The following MYO1E variants were observed in gnomAD, a reference collection of about 807,000 sequenced individuals.
MYO1E encodes the protein myosin IE.
Under a neutral mutation model 151.1 loss-of-function variants are expected in MYO1E, and 68 were observed. The observed-to-expected ratio is 0.45, with a 90% CI of 0.37 to 0.55. The LOEUF (loss-of-function observed/expected upper bound fraction) is 0.55, where lower values mean the gene tolerates loss of function less well. MYO1E is among the 20% of genes least tolerant of loss of function. The pLI is 0.00. For missense variants in MYO1E, 1,363 were observed against 1,389.3 expected, an observed-to-expected ratio of 0.98 and a Z score of 0.30; for synonymous variants, 601 against 501.7, an observed-to-expected ratio of 1.20 and a Z score of -2.64.
chr15:59,227,270 T>C (rs539674526), intron 7 of MYO1E, among the ~76,000 whole-genome samples, 189 bp downstream of exon 7: 50 of 152,356 alleles, frequency 3.3e-4, no homozygotes, highest in African/African-American at 1.1e-3. Context: ...ATTTCTGTCT[T>C]ATCACTCCAA....
intron 1 of MYO1E, among the ~76,000 whole-genome samples, chr15:59,336,397 A>C (rs1015510824): frequency 6.6e-6 from 1 of 152,108 alleles, no homozygotes; most frequent in African/African-American, 2.4e-5. Flanking sequence ...AAAACCCTAG[A>C]TTCAAAGGGA....
intron 26 of MYO1E, among the ~76,000 whole-genome samples, chr15:59,147,601 A>AAAAAAAC (rs2079449069): frequency 6.6e-6 from 1 of 150,820 alleles, no homozygotes; most frequent in African/African-American, 2.4e-5. Context: ...TGTCTCAAAA[A>AAAAAAAC]AAAAAAAAAA....
intron 26 of MYO1E, 137 bp from the exon 27 acceptor site, chr15:59,138,504 G>C (rs1472921863): frequency 1.1e-6 from 1 of 916,796 alleles, no homozygotes; most frequent in Non-Finnish European, 1.7e-6. Context: ...ATGTGGCCCA[G>C]GGTGCAGTCT....
At chr15:59,284,845 T>C (rs1378455944) in intron 1 of MYO1E, among the ~76,000 whole-genome samples, 1 of 152,124 alleles carries the variant, frequency 6.6e-6, no homozygotes, top group East Asian at 1.9e-4. Context: ...GGTAAGGACA[T>C]TTCAAGCTAC....
chr15:59,273,264 C>T lies in MYO1E; in HGVS notation c.4-815G>A, dbSNP rs75464783. ...TCTGAACACTCTGTGGGCTGCAGGG[C>T]TTCCTTTCATTTGGCATTTCTGTAG... On this transcript the variant is annotated intron_variant, in intron 1 of 27. Transcript: ENST00000288235. Among the ~76,000 whole-genome samples, 23 of 152,314 alleles carry T rather than the reference C, an allele frequency of 1.5e-4. 1 individual carries two copies. The East Asian group carries it at 3.5e-3, about 23-fold the overall frequency.
chr15:59,207,353 C>T, intron 14 of MYO1E: 1 of 1,614,036 alleles, frequency 6.2e-7, no homozygotes, highest in Non-Finnish European at 8.5e-7. Flanking sequence ...ACAGCAAACT[C>T]CAACCTAGTG....
intron 1 of MYO1E, among the ~76,000 whole-genome samples, chr15:59,359,280 CATAT>C (rs34337748): frequency 1.0e-4 from 14 of 140,212 alleles, no homozygotes; most frequent in East Asian, 8.1e-4. Flanking sequence ...ATTTTACATA[CATAT>C]ATATATATAT....
chr15:59,170,880 C>G (rs1401639130), intron 22 of MYO1E, among the ~76,000 whole-genome samples: 1 of 152,142 alleles, frequency 6.6e-6, no homozygotes, highest in African/African-American at 2.4e-5. Flanking sequence ...CATAAAACCC[C>G]TGCTTTTTCC....
chr15:59,208,337 G>A, intron 14 of MYO1E: 1 of 555,996 alleles, frequency 1.8e-6, no homozygotes, highest in Non-Finnish European at 3.2e-6. Flanking sequence ...TATGTAGTTG[G>A]CATTTGGTTC....
chr15:59,372,251 C>G (rs2080950704), intron 1 of MYO1E, among the ~76,000 whole-genome samples: 1 of 152,274 alleles, frequency 6.6e-6, no homozygotes, highest in Non-Finnish European at 1.5e-5. Flanking sequence ...CCATAGCAAC[C>G]CGGCCACAGA....
chr15:59,244,356 T>C (rs1442638882), intron 4 of MYO1E, among the ~76,000 whole-genome samples: 4 of 152,250 alleles, frequency 2.6e-5, no homozygotes, highest in Non-Finnish European at 4.4e-5. Flanking sequence ...TTCCTTTGAA[T>C]GTTACTAGCA....
intron 1 of MYO1E, among the ~76,000 whole-genome samples, chr15:59,339,289 G>A (rs560604918): frequency 1.3e-5 from 2 of 152,292 alleles, no homozygotes; most frequent in South Asian, 4.1e-4. Flanking sequence ...CACAGTGCTT[G>A]GATACAGATT....
At chr15:59,292,397 T>C (rs563092285) in intron 1 of MYO1E, among the ~76,000 whole-genome samples, 1 of 152,340 alleles carries the variant, frequency 6.6e-6, no homozygotes, top group African/African-American at 2.4e-5. Flanking sequence ...TCAACTCCCA[T>C]GAAATGTACT....
At chr15:59,166,643 T>C (rs567185964) in intron 22 of MYO1E, among the ~76,000 whole-genome samples, 23 of 152,152 alleles carry the variant, frequency 1.5e-4, no homozygotes, top group African/African-American at 4.1e-4. Flanking sequence ...TTATGAAATA[T>C]ATGCTGCTTT....
intron 4 of MYO1E, among the ~76,000 whole-genome samples, chr15:59,253,114 C>A (rs1262211071): frequency 2.0e-5 from 3 of 152,056 alleles, no homozygotes; most frequent in African/African-American, 4.8e-5. Context: ...TAAACAGGTA[C>A]AATATTAAAA....
intron 8 of MYO1E, 124 bp from the exon 9 acceptor site, chr15:59,223,315 G>GAAAAAAAAAAAAAAAA (rs10711975): frequency 1.4e-6 from 1 of 724,574 alleles, no homozygotes. Context: ...GAGTTACAAA[G>GAAAAAAAAAAAAAAAA]AAAAAAAAAA....
chr15:59,197,598 G>C, intron 16 of MYO1E, among the ~76,000 whole-genome samples: 1 of 152,176 alleles, frequency 6.6e-6, no homozygotes, highest in East Asian at 1.9e-4. Flanking sequence ...ACAAAGTATT[G>C]CTCAAGATGA....
In MYO1E at chr15:59,138,313, G is replaced by A. The variant is rs1227624293; in HGVS notation, c.3135C>T (p.Pro1045=). ...RPPPAGGRPK[P]QPKPKPQVPQ... is the part of the protein sequence containing the mutation. Reference sequence around the variant, plus strand: ...GCACCTGAGGCTTGGGCTTGGGCTGGGGCTTGGGTCTGCCCCCTGCTGGGG... The same window carrying A: ...GCACCTGAGGCTTGGGCTTGGGCTGAGGCTTGGGTCTGCCCCCTGCTGGGG... Residue 1045 remains proline, a synonymous_variant, in exon 27 of 28, where the codon CCC becomes CCT. Transcript: ENST00000288235. 6.2e-7 allele frequency: 1 copy of A among 1,614,198 alleles called. No homozygotes were observed. Among genetic ancestry groups the A allele is most frequent in the African/African-American group, 1.3e-5 (1 of 75,048 alleles).
At chr15:59,315,030 C>T (rs536405002) in intron 1 of MYO1E, among the ~76,000 whole-genome samples, 15 of 152,232 alleles carry the variant, frequency 9.9e-5, no homozygotes, top group African/African-American at 2.9e-4. Flanking sequence ...TTTTAATAAA[C>T]GTATGGGCCA....
Sources: allele counts gnomAD v4.1 joint callset (sites outside exome capture counted in the v4.1 genomes callset), GRCh38; gene constraint gnomAD v4.1.1; transcripts MANE v1.5; gene names NCBI Gene and HGNC (gene_info 2026-07-23, HGNC 2026-07-21).